GNG2: variants seen among roughly 807,000 people sequenced by gnomAD.
GNG2 encodes the protein guanine nucleotide-binding protein G(I)/G(S)/G(O) subunit gamma-2.
Under a neutral mutation model 5.5 loss-of-function variants are expected in GNG2, and 5 were observed. The ratio of observed to expected loss-of-function variants is 0.91; its 90% CI spans 0.48 to 1.92. The LOEUF (loss-of-function observed/expected upper bound fraction) is 1.92. Ranked by LOEUF, GNG2 falls within the 30% of genes most tolerant of loss-of-function variation. GNG2 has a pLI of 0.01. For missense variants in GNG2, 55 were observed against 88.4 expected (o/e 0.62, Z 1.52); for synonymous variants, 28 against 32.0 (o/e 0.88, Z 0.42).
intron 2 of GNG2, among the ~76,000 whole-genome samples, chr14:51,836,856 CT>C (rs369095215): frequency 0.043 from 5,601 of 130,492 alleles, 146 homozygotes; most frequent in African/African-American, 0.1. Flanking sequence ...GTGACTTCAT[CT>C]TTTTTTTTTT....
intron 2 of GNG2, among the ~76,000 whole-genome samples, chr14:51,853,063 T>C (rs1011764103): frequency 2.0e-5 from 3 of 152,222 alleles, no homozygotes; most frequent in African/African-American, 7.2e-5. Flanking sequence ...TTTTTGGTAA[T>C]ATTTTAAGCA....
chr14:51,859,918 A>G (rs922409240), upstream of GNG2, among the ~76,000 whole-genome samples: 15 of 152,166 alleles, frequency 9.9e-5, no homozygotes, highest in Admixed American at 3.3e-4. Context: ...AATAGTCCTC[A>G]CTATTAGGCC....
At chr14:51,945,133 C>CAAAAAAAA (rs138395214) in intron 2 of GNG2, among the ~76,000 whole-genome samples, 1 of 150,238 alleles carries the variant, frequency 6.7e-6, no homozygotes. Context: ...AACAAACAAA[C>CAAAAAAAA]AAAAAAAACG....
intron 3 of GNG2, among the ~76,000 whole-genome samples, chr14:51,959,223 T>C (rs1889451411): frequency 6.6e-6 from 1 of 152,158 alleles, no homozygotes; most frequent in Admixed American, 6.6e-5. Context: ...TCTAGGACCT[T>C]GATTACCAAA....
At chr14:51,962,522 A>AC (rs1034450119) in intron 3 of GNG2, among the ~76,000 whole-genome samples, 16 of 152,270 alleles carry the variant, frequency 1.1e-4, no homozygotes, top group African/African-American at 3.4e-4. Context: ...TTCACATACC[A>AC]CCCCCCGAAT....
intron 2 of GNG2, among the ~76,000 whole-genome samples, chr14:51,938,134 G>A (rs1888118880): frequency 6.6e-6 from 1 of 152,158 alleles, no homozygotes; most frequent in South Asian, 2.1e-4. Flanking sequence ...CCGCAATTTA[G>A]AATAGTCACC....
chr14:51,880,973 A>G (rs1289098623), intron 2 of GNG2, among the ~76,000 whole-genome samples: 2 of 149,980 alleles, frequency 1.3e-5, no homozygotes, highest in Non-Finnish European at 3.0e-5. Flanking sequence ...AAAAGAAAAA[A>G]AAAAAAAAAA....
chr14:51,908,883 G>T (rs1160817732), intron 2 of GNG2, among the ~76,000 whole-genome samples: 4 of 151,540 alleles, frequency 2.6e-5, no homozygotes, highest in Non-Finnish European at 2.9e-5. Context: ...CCAGCCTAAA[G>T]ACAATTTTTT....
chr14:51,931,883 A>G (rs768969274), intron 2 of GNG2, among the ~76,000 whole-genome samples: 1 of 152,180 alleles, frequency 6.6e-6, no homozygotes, highest in Non-Finnish European at 1.5e-5. Context: ...TTGTATAGCC[A>G]TGTTCACGGC....
At chr14:51,842,957 G>A (rs769242354) in intron 2 of GNG2, among the ~76,000 whole-genome samples, 6 of 152,072 alleles carry the variant, frequency 3.9e-5, no homozygotes, top group African/African-American at 9.7e-5. Context: ...GAGCCACCAC[G>A]CCTGGCCTAT....
rs1350969722 is a variant in GNG2 at position 51,968,023 on chromosome 14, A to G, written c.*1336A>G. On this transcript the variant is annotated 3_prime_UTR_variant, in exon 4 of 4. Coordinates refer to ENST00000556766, the MANE Select transcript of GNG2 (RefSeq NM_053064.5). The stretch of plus-strand genomic sequence containing the variant: ...AGGAAGAGTTCTGGCTCTTTTGTCC[A>G]CTGAGATGGTCTTGGTTTTTCACTT... 6.6e-6 allele frequency: 1 copy of G among 152,164 alleles called. No homozygotes were observed. Among genetic ancestry groups the G allele is most frequent in the African/African-American group, 2.4e-5 (1 of 41,438 alleles). 9.4% of individuals were successfully genotyped at this position (152,164 alleles called of 1,614,324 possible).
chr14:51,848,634 T>C (rs58516766), intron 2 of GNG2, among the ~76,000 whole-genome samples: 25,007 of 152,138 alleles, frequency 0.16, 2,509 homozygotes, highest in East Asian at 0.44. Flanking sequence ...TCAGCCTGGG[T>C]ATATTAGGAA....
intron 2 of GNG2, among the ~76,000 whole-genome samples, chr14:51,938,588 A>G (rs780172259): frequency 6.6e-6 from 1 of 152,216 alleles, no homozygotes; most frequent in Non-Finnish European, 1.5e-5. Context: ...TTCAGAGCAG[A>G]CTAGAATCCA....
At chr14:51,830,771 A>G (rs1018914468) in intron 2 of GNG2, among the ~76,000 whole-genome samples, 1 of 152,188 alleles carries the variant, frequency 6.6e-6, no homozygotes, top group African/African-American at 2.4e-5. Flanking sequence ...CCTTGCTTTC[A>G]TCATTGTCCC....
At position 51,928,061 on chromosome 14, in the gene GNG2, C is replaced by T. The variant is rs150342970; in HGVS notation, c.-29-22589C>T. 1.1e-3 allele frequency among the ~76,000 whole-genome samples: 160 copies of T among 140,006 alleles called. 1 individual carries two copies. The highest frequency in any genetic ancestry group is 3.7e-3 in the African/African-American group (137 of 37,170). 91.8% of individuals were successfully genotyped at this position (140,006 alleles called of 152,430 possible). A position where few individuals can be genotyped will look rare whatever the true frequency, so the allele number is the denominator to read the frequency against. ...TTTTTTTTTTTTGGAGACTGAGTCT[C>T]GCTCCGTCATCCAGGCTCGACTGCA... On this transcript the variant is annotated intron_variant, in intron 2 of 3. Transcript: ENST00000556766.
At chr14:51,826,428 A>G (rs928476975) in intron 1 of GNG2, among the ~76,000 whole-genome samples, 3 of 152,228 alleles carry the variant, frequency 2.0e-5, no homozygotes, top group Non-Finnish European at 4.4e-5. Flanking sequence ...CATAGATTAT[A>G]TGCAAATTTT....
chr14:51,890,697 A>G (rs1884787999), intron 2 of GNG2, among the ~76,000 whole-genome samples: 1 of 152,204 alleles, frequency 6.6e-6, no homozygotes, highest in South Asian at 2.1e-4. Flanking sequence ...TCAGTTATGT[A>G]TTAAGAATCT....
At chr14:51,850,033 C>T (rs1487349294) in intron 2 of GNG2, among the ~76,000 whole-genome samples, 1 of 151,976 alleles carries the variant, frequency 6.6e-6, no homozygotes, top group Admixed American at 6.6e-5. Context: ...CCTTTTTAAA[C>T]CAAAAAGTTG....
chr14:51,870,178 C>T lies in GNG2; in HGVS notation c.-70-7439C>T, dbSNP rs116030331. On this transcript the variant is annotated intron_variant, in intron 1 of 3. Coordinates refer to ENST00000556766, the MANE Select transcript of GNG2 (RefSeq NM_053064.5). ...CATGCATTTCCCTTTGAGAAAAACA[C>T]GAACAAAAGCCTTGTTTTTGGCTAT... Among the ~76,000 whole-genome samples, 1,165 of 151,994 alleles carry T rather than the reference C, an allele frequency of 7.7e-3. 5 individuals are homozygous for T. The highest frequency in any genetic ancestry group is 0.019 in the African/African-American group (780 of 41,446).
Sources: allele counts gnomAD v4.1 joint callset (sites outside exome capture counted in the v4.1 genomes callset), GRCh38; gene constraint gnomAD v4.1.1; transcripts MANE v1.5; gene names NCBI Gene and HGNC (gene_info 2026-07-23, HGNC 2026-07-21).